The following RABGAP1L variants were observed in gnomAD, a reference collection of about 807,000 sequenced individuals.
RABGAP1L encodes the protein rab GTPase-activating protein 1-like.
In RABGAP1L, 63 loss-of-function variants were observed where a neutral mutation model predicts 137.7. The observed-to-expected ratio is 0.46, with a 90% CI of 0.37 to 0.56. The LOEUF (loss-of-function observed/expected upper bound fraction) is 0.56. Among genes scored for constraint, RABGAP1L ranks in the 20% least tolerant of loss-of-function variants. The pLI is 0.00. For missense variants in RABGAP1L, 1,095 were observed against 1,244.0 expected (o/e 0.88, Z 1.80); for synonymous variants, 431 against 433.7 (o/e 0.99, Z 0.08).
chr1:174,215,037 C>T (rs531927642), intron 1 of RABGAP1L, among the ~76,000 whole-genome samples: 5 of 152,252 alleles, frequency 3.3e-5, no homozygotes, highest in Middle Eastern at 6.8e-3. Flanking sequence ...AAACAATCAA[C>T]AAAGTGAAGA....
chr1:174,754,124 C>G (rs78971463), intron 18 of RABGAP1L, among the ~76,000 whole-genome samples: 53 of 152,292 alleles, frequency 3.5e-4, no homozygotes, highest in Middle Eastern at 6.8e-3. Flanking sequence ...GGCCACTGGG[C>G]AGGAAGGCTT....
intron 20 of RABGAP1L, chr1:174,957,874 T>C (rs745760867): frequency 3.2e-6 from 5 of 1,565,958 alleles, no homozygotes; most frequent in Non-Finnish European, 4.4e-6. Flanking sequence ...CCAACCATAA[T>C]ATTTCTTTTC....
chr1:174,362,396 C>A (rs1244941872), intron 11 of RABGAP1L, among the ~76,000 whole-genome samples: 1 of 152,190 alleles, frequency 6.6e-6, no homozygotes, highest in Non-Finnish European at 1.5e-5. Flanking sequence ...ACACTCCCAC[C>A]AACAGTGTAT....
intron 1 of RABGAP1L, among the ~76,000 whole-genome samples, chr1:174,201,463 G>C (rs1421065246): frequency 6.6e-6 from 1 of 152,174 alleles, no homozygotes; most frequent in Non-Finnish European, 1.5e-5. Context: ...CTCCCAAGGG[G>C]CTGGGATTAC....
chr1:174,478,807 ATT>A (rs1192888189), intron 13 of RABGAP1L, among the ~76,000 whole-genome samples: 1 of 152,152 alleles, frequency 6.6e-6, no homozygotes, highest in Non-Finnish European at 1.5e-5. Context: ...TGTCTTCTCA[ATT>A]GTATTCTGAG....
Position 174,829,051 on chromosome 1 carries a change from A to G in RABGAP1L, c.2340+17091A>G, listed in dbSNP as rs1256241936. Among the ~76,000 whole-genome samples the G allele has an allele frequency of 2.7e-5, 4 of 147,916 alleles. 1 individual carries two copies. Among genetic ancestry groups the G allele is most frequent in the Non-Finnish European group, 4.5e-5 (3 of 66,520 alleles). On this transcript the variant is annotated intron_variant, in intron 19 of 25. Transcript: ENST00000681986. Reference sequence around the variant, plus strand: ...CAATGTAGTCCATAATTAGTGTACAACCAAGATAGTCATTATGACTCTAGT... The same window carrying G: ...CAATGTAGTCCATAATTAGTGTACAGCCAAGATAGTCATTATGACTCTAGT...
intron 15 of RABGAP1L, among the ~76,000 whole-genome samples, chr1:174,687,207 A>G (rs183367632): frequency 1.3e-5 from 2 of 152,058 alleles, no homozygotes; most frequent in African/African-American, 4.8e-5. Flanking sequence ...TTTTTTTTCT[A>G]CATTAGGTAC....
At chr1:174,341,868 T>C (rs892159914) in intron 11 of RABGAP1L, among the ~76,000 whole-genome samples, 1 of 152,180 alleles carries the variant, frequency 6.6e-6, no homozygotes, top group African/African-American at 2.4e-5. Flanking sequence ...CTGATACTTA[T>C]CTGAAGGTTG....
intron 13 of RABGAP1L, among the ~76,000 whole-genome samples, chr1:174,542,721 GT>G (rs1335521129): frequency 1.3e-5 from 2 of 152,080 alleles, no homozygotes; most frequent in African/African-American, 4.8e-5. Flanking sequence ...GTTTACTCTT[GT>G]GGGCATTTAG....
At chr1:174,412,595 G>A (rs967632022) in intron 13 of RABGAP1L, among the ~76,000 whole-genome samples, 1 of 152,002 alleles carries the variant, frequency 6.6e-6, no homozygotes, top group African/African-American at 2.4e-5. Context: ...GGTAGAGGAG[G>A]TATCTTTCCT....
At chr1:174,428,889 A>G (rs1438908537) in intron 13 of RABGAP1L, among the ~76,000 whole-genome samples, 1 of 152,264 alleles carries the variant, frequency 6.6e-6, no homozygotes, top group Admixed American at 6.5e-5. Context: ...TATATTTGCC[A>G]TATTAATCTA....
chr1:174,811,384 T>A (rs1689858007), intron 18 of RABGAP1L, among the ~76,000 whole-genome samples: 1 of 152,222 alleles, frequency 6.6e-6, no homozygotes, highest in Non-Finnish European at 1.5e-5. Flanking sequence ...CCATTAGGTG[T>A]TTATTGTGTA....
intron 18 of RABGAP1L, among the ~76,000 whole-genome samples, chr1:174,786,325 A>G (rs1401874448): frequency 6.6e-6 from 1 of 152,262 alleles, no homozygotes; most frequent in East Asian, 1.9e-4. Context: ...ATTGGATTTT[A>G]TAACACTTTA....
chr1:174,834,845 A>T (rs1692568737), intron 19 of RABGAP1L, among the ~76,000 whole-genome samples: 1 of 152,216 alleles, frequency 6.6e-6, no homozygotes, highest in Admixed American at 6.5e-5. Context: ...GCTGGTACAC[A>T]TAGAACAAAA....
chr1:174,498,373 C>T (rs182966831), intron 13 of RABGAP1L, among the ~76,000 whole-genome samples: 3 of 152,194 alleles, frequency 2.0e-5, no homozygotes, highest in South Asian at 2.1e-4. Context: ...ATTGGTTTTA[C>T]AAGCTTCATT....
At chr1:174,165,494 C>CT (rs36050303) in intron 1 of RABGAP1L, among the ~76,000 whole-genome samples, 1,749 of 140,060 alleles carry the variant, frequency 0.012, 9 homozygotes, top group African/African-American at 0.016. Flanking sequence ...ATTTGAACTA[C>CT]TTTTTTTTTT....
intron 13 of RABGAP1L, among the ~76,000 whole-genome samples, chr1:174,550,248 G>T (rs963845313): frequency 6.6e-6 from 1 of 152,100 alleles, no homozygotes; most frequent in Admixed American, 6.6e-5. Context: ...GTAATTAAAA[G>T]TAGTTAATTT....
At chr1:174,598,932 T>C (rs1202758210) in intron 13 of RABGAP1L, among the ~76,000 whole-genome samples, 1 of 152,200 alleles carries the variant, frequency 6.6e-6, no homozygotes, top group Non-Finnish European at 1.5e-5. Flanking sequence ...ACTAAGGACC[T>C]ACTCCTGCTA....
Position 174,697,599 on chromosome 1 carries a change from G to A in RABGAP1L, c.1900-1926G>A, listed in dbSNP as rs879353747. Among the ~76,000 whole-genome samples the A allele has an allele frequency of 1.8e-4, 27 of 152,266 alleles. No homozygotes were observed. In the East Asian group the frequency reaches 3.3e-3, roughly 19 times the overall value. On this transcript the variant is annotated intron_variant, in intron 15 of 25. Coordinates refer to ENST00000681986, the MANE Select transcript of RABGAP1L (RefSeq NM_001366446.1). ...ATCCCAAAGTGCTGGGATTACAGGC[G>A]TGAGCCACCGCGCCCGGCCTGGCTA...
Sources: allele counts gnomAD v4.1 joint callset (sites outside exome capture counted in the v4.1 genomes callset), GRCh38; gene constraint gnomAD v4.1.1; transcripts MANE v1.5; gene names NCBI Gene and HGNC (gene_info 2026-07-23, HGNC 2026-07-21).